SLC24A3: variants seen among roughly 807,000 people sequenced by gnomAD.
SLC24A3 encodes solute carrier family 24 member 3.
A neutral mutation model predicts 75.8 loss-of-function variants in SLC24A3; 28 were observed. That is an observed-to-expected ratio of 0.37 (90% CI 0.27 to 0.51). The LOEUF (loss-of-function observed/expected upper bound fraction) is 0.51. Among genes scored for constraint, SLC24A3 ranks in the 20% least tolerant of loss-of-function variants. The pLI, the probability that SLC24A3 is intolerant of heterozygous loss-of-function variation, is 0.94. For missense variants in SLC24A3, 663 were observed against 847.8 expected (o/e 0.78, Z 2.71); for synonymous variants, 372 against 334.1 (o/e 1.11, Z -1.24).
At chr20:19,476,524 T>A (rs1002104463) in intron 2 of SLC24A3, among the ~76,000 whole-genome samples, 1 of 152,218 alleles carries the variant, frequency 6.6e-6, no homozygotes, top group Admixed American at 6.5e-5. Flanking sequence ...TCATTGAAAT[T>A]CAAAACCTCT....
intron 1 of SLC24A3, chr20:19,242,574 C>G (rs1982361080): frequency 6.6e-6 from 1 of 152,036 alleles, no homozygotes; most frequent in Non-Finnish European, 1.5e-5. Flanking sequence ...AGTTTGCATC[C>G]CTAGTTAAGT....
chr20:19,314,532 C>CTCA (rs1398513315), intron 2 of SLC24A3, among the ~76,000 whole-genome samples: 1 of 152,064 alleles, frequency 6.6e-6, no homozygotes, highest in Admixed American at 6.6e-5. Context: ...CTAGGCTGTT[C>CTCA]TCATACTCTC....
chr20:19,598,853 T>C (rs759530591), intron 6 of SLC24A3, among the ~76,000 whole-genome samples: 3 of 152,060 alleles, frequency 2.0e-5, no homozygotes, highest in Non-Finnish European at 4.4e-5. Context: ...CCATAGCATC[T>C]TTGTGCTTGA....
At chr20:19,379,265 G>C (rs998261126) in intron 2 of SLC24A3, among the ~76,000 whole-genome samples, 1 of 152,234 alleles carries the variant, frequency 6.6e-6, no homozygotes, top group Middle Eastern at 3.4e-3. Flanking sequence ...TAGGAGCTGG[G>C]GGCACCCTTT....
chr20:19,492,427 C>A (rs1481223997), intron 2 of SLC24A3, among the ~76,000 whole-genome samples: 2 of 152,208 alleles, frequency 1.3e-5, no homozygotes, highest in East Asian at 1.9e-4. Context: ...CCATTTGAGA[C>A]AACGCATCTG....
intron 6 of SLC24A3, among the ~76,000 whole-genome samples, chr20:19,586,474 C>A (rs6112476): frequency 0.14 from 20,661 of 152,066 alleles, 1,503 homozygotes; most frequent in African/African-American, 0.17. Flanking sequence ...GCACTGTTCT[C>A]CTAGAAGTGG....
chr20:19,425,239 G>T (rs986117521), intron 2 of SLC24A3, among the ~76,000 whole-genome samples: 2 of 151,754 alleles, frequency 1.3e-5, no homozygotes, highest in Non-Finnish European at 2.9e-5. Context: ...GGAGGCGGAG[G>T]TTGCAGTGAG....
chr20:19,595,969 G>T (rs1042028163), intron 6 of SLC24A3, among the ~76,000 whole-genome samples: 4 of 152,158 alleles, frequency 2.6e-5, no homozygotes, highest in African/African-American at 9.7e-5. Flanking sequence ...CATGTTCGAG[G>T]ATCATGGAAT....
chr20:19,482,105 T>A (rs1410953842), intron 2 of SLC24A3, among the ~76,000 whole-genome samples: 1 of 152,216 alleles, frequency 6.6e-6, no homozygotes, highest in East Asian at 1.9e-4. Flanking sequence ...GCCAGAATGA[T>A]CCTTCAAGAA....
chr20:19,443,140 C>T (rs1987323488), intron 2 of SLC24A3, among the ~76,000 whole-genome samples: 1 of 152,118 alleles, frequency 6.6e-6, no homozygotes, highest in Non-Finnish European at 1.5e-5. Flanking sequence ...TTATTTTTCT[C>T]CAATAGTGTG....
In SLC24A3 at chr20:19,247,316, G is replaced by A. The variant is rs59253882; in HGVS notation, c.143-33643G>A. On this transcript the variant is annotated intron_variant, in intron 1 of 16. Coordinates refer to ENST00000328041, the MANE Select transcript of SLC24A3 (RefSeq NM_020689.4). ...TATGCCCACTCTCCTACCTACCCTC[G>A]CGAAAGTTACTTGTAACCCCAGTTA... Among the ~76,000 whole-genome samples, 1,060 of 152,138 alleles carry A rather than the reference G, an allele frequency of 7.0e-3. 5 individuals are homozygous for A. Among genetic ancestry groups the A allele is most frequent in the East Asian group, 0.017 (89 of 5,166 alleles).
chr20:19,662,679 G>C lies in SLC24A3; in HGVS notation c.688-3185G>C, dbSNP rs867549419. Among the ~76,000 whole-genome samples, 3 of 152,260 alleles carry C rather than the reference G, an allele frequency of 2.0e-5. No individual in the cohort carries two copies. The South Asian group carries it at 6.2e-4, about 31-fold the overall frequency. On this transcript the variant is annotated intron_variant, in intron 7 of 16. Coordinates refer to ENST00000328041, the MANE Select transcript of SLC24A3 (RefSeq NM_020689.4). ...CTACACTAGTAATACTTATCTAAGGGATGGGGGATGTTGCTTTGATTTCTT... is the reference window on the plus strand; with the variant it reads ...CTACACTAGTAATACTTATCTAAGGCATGGGGGATGTTGCTTTGATTTCTT...
chr20:19,673,322 C>T (rs770189552), intron 8 of SLC24A3, among the ~76,000 whole-genome samples: 12 of 152,144 alleles, frequency 7.9e-5, no homozygotes, highest in African/African-American at 1.4e-4. Context: ...TATTCAGCAA[C>T]GTGTATGAAA....
At chr20:19,645,413 A>AAT (rs1360946685) in intron 6 of SLC24A3, among the ~76,000 whole-genome samples, 2 of 152,212 alleles carry the variant, frequency 1.3e-5, no homozygotes, top group African/African-American at 2.4e-5. Context: ...ATATTCCTGC[A>AAT]AGGCTCAGCT....
At chr20:19,267,559 T>A (rs1463807905) in intron 1 of SLC24A3, among the ~76,000 whole-genome samples, 6 of 152,230 alleles carry the variant, frequency 3.9e-5, no homozygotes. Flanking sequence ...TTCAATTTTC[T>A]AATAAAAGTC....
At position 19,404,837 on chromosome 20, in the gene SLC24A3, G is replaced by T. The variant is rs1259861770; in HGVS notation, c.272-110651G>T. 2.0e-5 allele frequency among the ~76,000 whole-genome samples: 3 copies of T among 152,156 alleles called. No individual in the cohort carries two copies. In the East Asian group the frequency reaches 5.8e-4, roughly 29 times the overall value. ...GGCTGGCTCTTTCCCTAATTAAGTG[G>T]CAGTTCTTTCACCTGGTGCCCAAGC... On this transcript the variant is annotated intron_variant, in intron 2 of 16. Transcript: ENST00000328041.
intron 3 of SLC24A3, among the ~76,000 whole-genome samples, chr20:19,575,877 T>C (rs2031127710): frequency 6.6e-6 from 1 of 152,136 alleles, no homozygotes; most frequent in Admixed American, 6.5e-5. Context: ...CTGTCTGCAG[T>C]TGGAGAAGAC....
chr20:19,431,549 CAGCCAGATA>C (rs1232940465), intron 2 of SLC24A3, among the ~76,000 whole-genome samples: 1 of 151,960 alleles, frequency 6.6e-6, no homozygotes, highest in Non-Finnish European at 1.5e-5. Context: ...TGCCTGTCGC[CAGCCAGATA>C]AGCACCCAGA....
intron 3 of SLC24A3, among the ~76,000 whole-genome samples, chr20:19,552,490 A>G (rs1386715287): frequency 1.3e-5 from 2 of 152,178 alleles, no homozygotes; most frequent in Non-Finnish European, 2.9e-5. Context: ...AAGTTCAGAA[A>G]AGTAAATGAA....
Sources: gnomAD v4.1 joint callset for allele counts (sites outside exome capture counted in the v4.1 genomes callset) on GRCh38, gnomAD v4.1.1 for gene constraint, MANE v1.5 for transcripts, NCBI Gene and HGNC (gene_info 2026-07-23, HGNC 2026-07-21) for gene names.